The following FSTL5 variants were observed in gnomAD, a reference collection of about 807,000 sequenced individuals.
FSTL5 encodes the protein follistatin like 5, also known as follistatin-related protein 5.
Under a neutral mutation model 89.1 loss-of-function variants are expected in FSTL5, and 62 were observed. The observed-to-expected ratio is 0.70, with a 90% CI of 0.57 to 0.86. The LOEUF (loss-of-function observed/expected upper bound fraction) is 0.86. Ranked by LOEUF, FSTL5 falls within the 40% of genes least tolerant of loss-of-function variation. The pLI, the probability that FSTL5 is intolerant of heterozygous loss-of-function variation, is 0.00. For missense variants in FSTL5, 1,057 were observed against 1,001.6 expected, an observed-to-expected ratio of 1.06 and a Z score of -0.75; for synonymous variants, 383 against 346.2, an observed-to-expected ratio of 1.11 and a Z score of -1.18.
chr4:161,991,526 T>C (rs1032717564), intron 3 of FSTL5, among the ~76,000 whole-genome samples: 1 of 152,194 alleles, frequency 6.6e-6, no homozygotes, highest in Non-Finnish European at 1.5e-5. Context: ...AACAAAATAT[T>C]CTAGGGACAG....
chr4:161,525,435 T>G (rs952088525), intron 10 of FSTL5, among the ~76,000 whole-genome samples: 1 of 152,192 alleles, frequency 6.6e-6, no homozygotes, highest in African/African-American at 2.4e-5. Flanking sequence ...AAGTCAGAGG[T>G]AATACTCCGT....
chr4:161,530,494 G>T (rs10004859), intron 10 of FSTL5, among the ~76,000 whole-genome samples: 4,395 of 104,482 alleles, frequency 0.042, 586 homozygotes, highest in African/African-American at 0.12. Flanking sequence ...TTATAATAAA[G>T]TATGAACTAT....
At chr4:162,132,434 G>A (rs1732339021) in intron 1 of FSTL5, among the ~76,000 whole-genome samples, 2 of 152,112 alleles carry the variant, frequency 1.3e-5, no homozygotes, top group Non-Finnish European at 2.9e-5. Context: ...GCGAGACCAC[G>A]AACCCACCAG....
intron 4 of FSTL5, among the ~76,000 whole-genome samples, chr4:161,810,197 A>G (rs1730095030): frequency 6.6e-6 from 1 of 152,184 alleles, no homozygotes; most frequent in Admixed American, 6.5e-5. Context: ...TTTTAAAGTA[A>G]GAACAATATT....
intron 4 of FSTL5, among the ~76,000 whole-genome samples, chr4:161,788,070 T>A (rs1183809040): frequency 6.6e-6 from 1 of 152,222 alleles, no homozygotes; most frequent in Non-Finnish European, 1.5e-5. Flanking sequence ...GTATTTGCCC[T>A]TTTCATGTAT....
intron 4 of FSTL5, among the ~76,000 whole-genome samples, chr4:161,857,999 A>G (rs961960128): frequency 6.6e-6 from 1 of 152,178 alleles, no homozygotes; most frequent in African/African-American, 2.4e-5. Context: ...CTGAATGTCA[A>G]TGTCTCCCAC....
intron 10 of FSTL5, among the ~76,000 whole-genome samples, chr4:161,535,165 G>A (rs996776343): frequency 2.0e-5 from 3 of 152,014 alleles, no homozygotes; most frequent in Non-Finnish European, 2.9e-5. Flanking sequence ...GGTTTTGGCA[G>A]AGAATTTATG....
chr4:161,480,930 A>T, intron 13 of FSTL5, 90 bp downstream of exon 13: 2 of 824,846 alleles, frequency 2.4e-6, no homozygotes, highest in African/African-American at 1.8e-5. Flanking sequence ...ACACATTATC[A>T]GTGACAATCA....
At chr4:161,398,425 C>A (rs1300766896) in intron 15 of FSTL5, among the ~76,000 whole-genome samples, 2 of 151,966 alleles carry the variant, frequency 1.3e-5, no homozygotes, top group African/African-American at 4.8e-5. Context: ...TTTTAATGCT[C>A]TTTTATGTAA....
chr4:162,059,589 C>T (rs566026140), intron 2 of FSTL5, among the ~76,000 whole-genome samples: 1 of 152,212 alleles, frequency 6.6e-6, no homozygotes, highest in Admixed American at 6.5e-5. Context: ...CACTTCATTC[C>T]TTTCAGAACA....
chr4:161,850,860 C>A (rs1375987732), intron 4 of FSTL5, among the ~76,000 whole-genome samples: 1 of 152,094 alleles, frequency 6.6e-6, no homozygotes, highest in Admixed American at 6.6e-5. Context: ...GAGATAATGT[C>A]TTTTGCAGGG....
At chr4:161,979,430 T>C (rs570621302) in intron 3 of FSTL5, among the ~76,000 whole-genome samples, 1 of 152,288 alleles carries the variant, frequency 6.6e-6, no homozygotes, top group East Asian at 1.9e-4. Flanking sequence ...GATTCAGTTA[T>C]TATCTTGTGG....
intron 1 of FSTL5, among the ~76,000 whole-genome samples, chr4:162,147,280 G>C (rs1733040473): frequency 6.6e-6 from 1 of 151,882 alleles, no homozygotes; most frequent in African/African-American, 2.4e-5. Flanking sequence ...TAGTTTCTAA[G>C]TTAAGAAACT....
chr4:161,835,040 T>G (rs1315331167), intron 4 of FSTL5, among the ~76,000 whole-genome samples: 3 of 145,168 alleles, frequency 2.1e-5, no homozygotes, highest in Admixed American at 6.8e-5. Context: ...TCATGATACT[T>G]GACTTCAAAC....
intron 2 of FSTL5, among the ~76,000 whole-genome samples, chr4:162,105,756 C>A (rs1046841496): frequency 3.3e-5 from 5 of 152,108 alleles, no homozygotes; most frequent in African/African-American, 7.2e-5. Context: ...ATTCTTTTAA[C>A]TCCTCTGACC....
chr4:161,957,559 A>T (rs989895604), intron 3 of FSTL5, among the ~76,000 whole-genome samples: 2 of 152,204 alleles, frequency 1.3e-5, no homozygotes, highest in South Asian at 4.1e-4. Flanking sequence ...TTCTTAATAA[A>T]TGGAAATATG....
intron 6 of FSTL5, among the ~76,000 whole-genome samples, chr4:161,727,263 T>C (rs184106813): frequency 1.5e-3 from 228 of 152,342 alleles, no homozygotes; most frequent in African/African-American, 5.1e-3. Context: ...TTTGTGATAA[T>C]AGTTGCCTTT....
intron 6 of FSTL5, among the ~76,000 whole-genome samples, chr4:161,755,677 T>C (rs1740543906): frequency 6.6e-6 from 1 of 152,090 alleles, no homozygotes; most frequent in African/African-American, 2.4e-5. Flanking sequence ...AATACATCTG[T>C]CATTTTGATC....
At chr4:161,784,712 C>G (rs981279134) in intron 4 of FSTL5, among the ~76,000 whole-genome samples, 1 of 151,738 alleles carries the variant, frequency 6.6e-6, no homozygotes, top group Non-Finnish European at 1.5e-5. Context: ...GGCTAACACG[C>G]TGAAACCCCA....
Sources: allele counts gnomAD v4.1 joint callset (sites outside exome capture counted in the v4.1 genomes callset), GRCh38; gene constraint gnomAD v4.1.1; transcripts MANE v1.5; gene names NCBI Gene and HGNC (gene_info 2026-07-23, HGNC 2026-07-21).